The following EEFSEC variants were observed in gnomAD, a reference collection of about 807,000 sequenced individuals.
EEFSEC encodes selenocysteine-specific elongation factor.
In EEFSEC, 43 loss-of-function variants were observed where a neutral mutation model predicts 42.1. The observed-to-expected ratio is 1.02, with a 90% CI of 0.80 to 1.32. EEFSEC has a LOEUF of 1.32. Among genes scored for constraint, EEFSEC ranks in the 40% most tolerant of loss-of-function variants. The pLI, the probability that EEFSEC is intolerant of heterozygous loss-of-function variation, is 0.00. For missense variants in EEFSEC, 745 were observed against 803.6 expected (o/e 0.93, Z 0.88); for synonymous variants, 354 against 339.1 (o/e 1.04, Z -0.48).
At chr3:128,319,743 C>A (rs2066987214) in intron 4 of EEFSEC, among the ~76,000 whole-genome samples, 1 of 152,216 alleles carries the variant, frequency 6.6e-6, no homozygotes, top group Admixed American at 6.5e-5. Context: ...GAATGCCACA[C>A]CATGTTCTGT....
chr3:128,277,020 A>G (rs2066475657), intron 4 of EEFSEC, among the ~76,000 whole-genome samples: 1 of 152,318 alleles, frequency 6.6e-6, no homozygotes, highest in Admixed American at 6.5e-5. Context: ...TTCTTGAGGA[A>G]GCAGACCCTT....
chr3:128,192,462 T>C (rs1312483796), intron 1 of EEFSEC, among the ~76,000 whole-genome samples: 1 of 152,186 alleles, frequency 6.6e-6, no homozygotes, highest in East Asian at 1.9e-4. Context: ...AGCTGGCTGT[T>C]TCCTAATCAC....
At position 128,217,504 on chromosome 3, in the gene EEFSEC, T is replaced by TA. The variant is rs146193925; in HGVS notation, c.317-29330dup. ...CCCTCAATCTCCCAGCAGAAGGGCTTAAGGACCCGTGACCCTTTAATGTGT... is the reference window on the plus strand; with the variant it reads ...CCCTCAATCTCCCAGCAGAAGGGCTTAAAGGACCCGTGACCCTTTAATGTGT... On this transcript the variant is annotated intron_variant, in intron 1 of 6. Transcript: ENST00000254730. 5.4e-3 allele frequency among the ~76,000 whole-genome samples: 825 copies of TA among 152,280 alleles called. 6 individuals carry two copies. The highest frequency in any genetic ancestry group is 0.017 in the African/African-American group (709 of 41,548).
Position 128,408,470 on chromosome 3 carries a change from A to G in EEFSEC, c.*211A>G. 1 of 466,398 alleles carries G rather than the reference A, an allele frequency of 2.1e-6. No individual in the cohort carries two copies. Among genetic ancestry groups the G allele is most frequent in the Middle Eastern group, 5.5e-4 (1 of 1,822 alleles). The allele number at this position is 466,398 out of a possible 1,614,324, so 28.9% of individuals were successfully genotyped here. The stretch of plus-strand genomic sequence containing the variant: ...AGGGTCTCTCCTCCAGCCCCTGCAC[A>G]CTCCCACCCAGGACAGCCCCCAGCC... On this transcript the variant is annotated 3_prime_UTR_variant, in exon 7 of 7. Coordinates refer to ENST00000254730, the MANE Select transcript of EEFSEC (RefSeq NM_021937.5).
At chr3:128,198,808 T>G (rs1378292799) in intron 1 of EEFSEC, among the ~76,000 whole-genome samples, 1 of 149,342 alleles carries the variant, frequency 6.7e-6, no homozygotes, top group Admixed American at 6.7e-5. Flanking sequence ...CATATGTGTG[T>G]TTTTTTTTTC....
At chr3:128,262,047 T>C (rs2066302339) in intron 2 of EEFSEC, 81 bp from the exon 3 acceptor site, 1 of 1,308,716 alleles carries the variant, frequency 7.6e-7, no homozygotes, top group East Asian at 2.3e-5. Context: ...CACTTGGTAC[T>C]GTGCCAGGTG....
chr3:128,356,751 G>A (rs1023115299), intron 5 of EEFSEC, among the ~76,000 whole-genome samples: 2 of 152,104 alleles, frequency 1.3e-5, no homozygotes, highest in African/African-American at 4.8e-5. Flanking sequence ...CCTCTGCCCT[G>A]CCCCCATCCA....
intron 4 of EEFSEC, among the ~76,000 whole-genome samples, chr3:128,277,042 G>A (rs2066475917): frequency 6.6e-6 from 1 of 152,156 alleles, no homozygotes; most frequent in Non-Finnish European, 1.5e-5. Context: ...TGGGCAGAGC[G>A]GCTCTGCCTG....
intron 1 of EEFSEC, among the ~76,000 whole-genome samples, chr3:128,245,364 A>T (rs1306341794): frequency 6.6e-6 from 1 of 152,238 alleles, no homozygotes; most frequent in Non-Finnish European, 1.5e-5. Context: ...TGATAGAGTC[A>T]GTGTCCATCC....
chr3:128,194,884 T>A (rs1576535462), intron 1 of EEFSEC, among the ~76,000 whole-genome samples: 1 of 152,222 alleles, frequency 6.6e-6, no homozygotes, highest in African/African-American at 2.4e-5. Flanking sequence ...TTTAATTTCC[T>A]TTTATAAAGA....
chr3:128,276,531 G>A (rs139995211), intron 4 of EEFSEC, among the ~76,000 whole-genome samples: 31 of 152,276 alleles, frequency 2.0e-4, no homozygotes, highest in African/African-American at 6.7e-4. Context: ...TAATAACAGA[G>A]CCTGCTTTGT....
At chr3:128,191,826 C>T (rs1311785440) in intron 1 of EEFSEC, among the ~76,000 whole-genome samples, 1 of 152,100 alleles carries the variant, frequency 6.6e-6, no homozygotes, top group Non-Finnish European at 1.5e-5. Flanking sequence ...TCCAGCATAT[C>T]GATAGACCAC....
the EEFSEC span, among the ~76,000 whole-genome samples, chr3:128,422,454 G>A: frequency 6.6e-6 from 1 of 152,212 alleles, no homozygotes; most frequent in South Asian, 2.1e-4. Context: ...GCCTTCTGGG[G>A]TATGGTTTCC....
At chr3:128,332,586 G>T (rs1208267659) in intron 4 of EEFSEC, among the ~76,000 whole-genome samples, 1 of 152,128 alleles carries the variant, frequency 6.6e-6, no homozygotes, top group Non-Finnish European at 1.5e-5. Context: ...CAAGTAGCTG[G>T]GATTACAGGC....
chr3:128,337,350 T>G (rs2067201202), intron 4 of EEFSEC, among the ~76,000 whole-genome samples: 1 of 152,212 alleles, frequency 6.6e-6, no homozygotes, highest in Admixed American at 6.5e-5. Flanking sequence ...TGGTAAGGCA[T>G]TCTTTATGAT....
intron 1 of EEFSEC, among the ~76,000 whole-genome samples, chr3:128,155,750 T>C (rs1944369796): frequency 6.6e-6 from 1 of 152,222 alleles, no homozygotes; most frequent in Non-Finnish European, 1.5e-5. Flanking sequence ...GGTGAGCTTG[T>C]TAAGTACAGT....
At chr3:128,174,744 C>T (rs905375040) in intron 1 of EEFSEC, among the ~76,000 whole-genome samples, 2 of 152,160 alleles carry the variant, frequency 1.3e-5, no homozygotes, top group Non-Finnish European at 2.9e-5. Context: ...ATACAGTTAG[C>T]ATCATTCTGG....
the EEFSEC span, among the ~76,000 whole-genome samples, chr3:128,423,208 G>T: frequency 6.6e-6 from 1 of 152,180 alleles, no homozygotes. Flanking sequence ...TTAACATAAA[G>T]TTACTGCCAA....
At chr3:128,281,834 T>G (rs2066529353) in intron 4 of EEFSEC, among the ~76,000 whole-genome samples, 1 of 152,284 alleles carries the variant, frequency 6.6e-6, no homozygotes. Context: ...CGACTTGCAC[T>G]CTCCGGTTCT....
Sources: gnomAD v4.1 joint callset for allele counts (sites outside exome capture counted in the v4.1 genomes callset) on GRCh38, gnomAD v4.1.1 for gene constraint, MANE v1.5 for transcripts, NCBI Gene and HGNC (gene_info 2026-07-23, HGNC 2026-07-21) for gene names.